PRKCQ: variants seen among roughly 807,000 people sequenced by gnomAD.
PRKCQ encodes the protein protein kinase C theta type.
PRKCQ carries 41 observed loss-of-function variants against 91.2 expected under a neutral mutation model. The observed-to-expected ratio is 0.45, with a 90% CI of 0.35 to 0.58. The LOEUF is 0.58. Among genes scored for constraint, PRKCQ ranks in the 20% least tolerant of loss-of-function variants. The probability of loss-of-function intolerance (pLI) is 0.00; values close to 1 mark genes in which losing one functional copy is unlikely to be tolerated. For synonymous variants in PRKCQ, 307 were observed against 316.9 expected (o/e 0.97, Z 0.33); for missense variants, 673 against 896.5 (o/e 0.75, Z 3.18).
intron 1 of PRKCQ, among the ~76,000 whole-genome samples, chr10:6,535,477 T>C (rs1332643429): frequency 6.6e-6 from 1 of 152,220 alleles, no homozygotes; most frequent in Non-Finnish European, 1.5e-5. Flanking sequence ...TACATTTTTT[T>C]TTCAGTACCA....
intron 8 of PRKCQ, chr10:6,489,340 C>T (rs1029392017): frequency 6.2e-6 from 3 of 486,250 alleles, no homozygotes; most frequent in African/African-American, 5.9e-5. Context: ...ACTTGCATGG[C>T]CGCGAAGAAA....
intron 1 of PRKCQ, among the ~76,000 whole-genome samples, chr10:6,540,746 C>A (rs1839747898): frequency 6.6e-6 from 1 of 152,082 alleles, no homozygotes; most frequent in Non-Finnish European, 1.5e-5. Flanking sequence ...TTGAGAATAC[C>A]CAGGAATGGA....
At chr10:6,512,110 C>T (rs555996977) in intron 2 of PRKCQ, 2 of 152,300 alleles carry the variant, frequency 1.3e-5, no homozygotes, top group East Asian at 1.9e-4. Context: ...GACATAGTGG[C>T]GTAATTTCAG....
intron 11 of PRKCQ, among the ~76,000 whole-genome samples, chr10:6,480,765 AATG>A (rs981305001): frequency 2.6e-5 from 4 of 152,244 alleles, no homozygotes; most frequent in African/African-American, 9.6e-5. Context: ...GGCCGAAGTC[AATG>A]ATGTGACAAC....
At chr10:6,470,277 C>T (rs1289471915) in intron 12 of PRKCQ, among the ~76,000 whole-genome samples, 4 of 149,942 alleles carry the variant, frequency 2.7e-5, no homozygotes, top group Non-Finnish European at 4.5e-5. Context: ...AGGGATCCTC[C>T]CTATCACCTT....
At chr10:6,442,855 C>T (rs615256) in intron 15 of PRKCQ, among the ~76,000 whole-genome samples, 6,266 of 151,968 alleles carry the variant, frequency 0.041, 277 homozygotes, top group African/African-American at 0.11. Flanking sequence ...CTAGCTACTC[C>T]GGAAGCTGAG....
At chr10:6,474,662 G>C (rs1836173980) in intron 12 of PRKCQ, among the ~76,000 whole-genome samples, 1 of 152,054 alleles carries the variant, frequency 6.6e-6, no homozygotes, top group Admixed American at 6.5e-5. Flanking sequence ...GAGGGAAACT[G>C]TTTCAGTGTT....
At chr10:6,415,316 A>C in the PRKCQ span, among the ~76,000 whole-genome samples, 2 of 151,242 alleles carry the variant, frequency 1.3e-5, no homozygotes, top group Non-Finnish European at 2.9e-5. Context: ...CCCCAAGCAC[A>C]AGAAACCAAA....
chr10:6,458,275 G>A (rs1477528372), intron 14 of PRKCQ, among the ~76,000 whole-genome samples: 2 of 152,182 alleles, frequency 1.3e-5, no homozygotes, highest in Non-Finnish European at 2.9e-5. Context: ...GGTTCTGAAA[G>A]GCTGCCATGT....
At position 6,511,063 on chromosome 10, in the gene PRKCQ, C is replaced by T. The variant is rs1292836707; in HGVS notation, c.250G>A (p.Glu84Lys). Residue 84 changes from glutamate (E) to lysine (K), a missense_variant, in exon 3 of 18, where the codon GAA becomes AAA. Glu to Lys is a moderately conservative substitution (Grantham distance 56, BLOSUM62 1). Coordinates refer to ENST00000263125, the MANE Select transcript of PRKCQ (RefSeq NM_006257.5). The part of the protein sequence containing the change: ...VKGKNVDLIS[E>K]TTVELYSLAE... ...AGCGAGTAGAGCTCCACGGTGGTTT[C>T]AGAGATGAGGTCCACGTTTTTGCCT... 4.3e-6 allele frequency: 7 copies of T among 1,614,174 alleles called. No individual in the cohort carries two copies. The highest frequency in any genetic ancestry group is 5.1e-6 in the Non-Finnish European group (6 of 1,180,028).
At chr10:6,438,226 G>A (rs1191145321) in intron 16 of PRKCQ, among the ~76,000 whole-genome samples, 1 of 152,218 alleles carries the variant, frequency 6.6e-6, no homozygotes, top group Non-Finnish European at 1.5e-5. Context: ...TGATTTTCCA[G>A]GGAGAGCCCT....
intron 1 of PRKCQ, among the ~76,000 whole-genome samples, chr10:6,542,489 C>T (rs1887325): frequency 0.91 from 139,287 of 152,276 alleles, 64,218 homozygotes; most frequent in East Asian, 1. Flanking sequence ...TTGAAATACT[C>T]GTATTTTGGC....
intron 15 of PRKCQ, among the ~76,000 whole-genome samples, chr10:6,453,286 A>T (rs1834811179): frequency 1.3e-5 from 2 of 152,242 alleles, no homozygotes; most frequent in Non-Finnish European, 2.9e-5. Context: ...TCTCAAAAGA[A>T]GACATTTATG....
At chr10:6,405,770 G>C in the PRKCQ span, among the ~76,000 whole-genome samples, 1 of 152,218 alleles carries the variant, frequency 6.6e-6, no homozygotes, top group African/African-American at 2.4e-5. Context: ...TACTGGAAGG[G>C]TCAGGCTTTG....
rs759199634 is a variant in PRKCQ at position 6,441,954 on chromosome 10, C to T, written c.1775G>A (p.Arg592His). Residue 592 changes from arginine to histidine, a missense_variant, in exon 16 of 18, where the codon CGC becomes CAC. Transcript: ENST00000263125. ...CCGTGGGTAAAAGGGATTGTCCATGCGGATGGAGTGGAAGAGCTCCTCCTC... is the reference window on the plus strand; with the variant it reads ...CCGTGGGTAAAAGGGATTGTCCATGTGGATGGAGTGGAAGAGCTCCTCCTC... Reference protein sequence around the residue: ...QDEEELFHSIRMDNPFYPRWL... With the variant: ...QDEEELFHSIHMDNPFYPRWL... 18 of 1,613,874 alleles carry T rather than the reference C, an allele frequency of 1.1e-5. No homozygotes were observed. Among genetic ancestry groups the T allele is most frequent in the Non-Finnish European group, 1.4e-5 (16 of 1,179,952 alleles).
intron 2 of PRKCQ, among the ~76,000 whole-genome samples, chr10:6,513,374 G>C (rs1029123959): frequency 2.1e-5 from 3 of 144,870 alleles, no homozygotes; most frequent in African/African-American, 7.8e-5. Context: ...AGGAAAACCA[G>C]TTTCCTTCTT....
chr10:6,436,991 G>A (rs1460392946), intron 16 of PRKCQ, among the ~76,000 whole-genome samples: 1 of 152,156 alleles, frequency 6.6e-6, no homozygotes, highest in Non-Finnish European at 1.5e-5. Flanking sequence ...TGGGCCATGA[G>A]GGGTGTTGGG....
intron 1 of PRKCQ, among the ~76,000 whole-genome samples, chr10:6,553,263 G>A (rs1840259460): frequency 6.6e-6 from 1 of 152,120 alleles, no homozygotes; most frequent in South Asian, 2.1e-4. Flanking sequence ...TACGAGGCAG[G>A]CAGATCGCTT....
At position 6,456,682 on chromosome 10, in the gene PRKCQ, C is replaced by A; in HGVS notation, c.1639G>T (p.Ala547Ser). ...TGTCACTGCATTCCTACCTCTGGGGCGATGTAGTCAGGTGTCCCACAGAAG... is the reference window on the plus strand; with the variant it reads ...TGTCACTGCATTCCTACCTCTGGGGAGATGTAGTCAGGTGTCCCACAGAAG... ...NTFCGTPDYI[A>S]PEILLGQKYN... The change falls in exon 15 of 18, where the codon GCC becomes TCC. Residue 547 changes from alanine to serine, a missense_variant. Ala to Ser is a moderately conservative substitution (Grantham distance 99, BLOSUM62 1). Transcript: ENST00000263125. 2 of 1,613,928 alleles carry A rather than the reference C, an allele frequency of 1.2e-6. No homozygotes were observed. The highest frequency in any genetic ancestry group is 1.7e-6 in the Non-Finnish European group (2 of 1,179,918).
Sources: allele counts gnomAD v4.1 joint callset (sites outside exome capture counted in the v4.1 genomes callset), GRCh38; gene constraint gnomAD v4.1.1; transcripts MANE v1.5; gene names NCBI Gene and HGNC (gene_info 2026-07-23, HGNC 2026-07-21).